Variants in SLC9A9 observed in about 807,000 individuals in gnomAD.
SLC9A9 encodes the protein solute carrier family 9 member A9, also known as sodium/hydrogen exchanger 9.
SLC9A9 carries 62 observed loss-of-function variants against 77.8 expected under a neutral mutation model. That is an observed-to-expected ratio of 0.80 (90% confidence interval 0.65 to 0.98). The LOEUF is 0.98. Among genes scored for constraint, SLC9A9 ranks in the 50% least tolerant of loss-of-function variants. SLC9A9 has a pLI of 0.00. For synonymous variants in SLC9A9, 320 were observed against 283.5 expected (o/e 1.13, Z -1.29); for missense variants, 775 against 774.9 (o/e 1.00, Z 0.00).
At chr3:143,396,503 T>C (rs1169135034) in intron 12 of SLC9A9, among the ~76,000 whole-genome samples, 1 of 152,098 alleles carries the variant, frequency 6.6e-6, no homozygotes, top group Non-Finnish European at 1.5e-5. Flanking sequence ...AATGATGAGT[T>C]AATGGGTGCA....
At chr3:143,373,318 G>A (rs1436515826) in intron 13 of SLC9A9, among the ~76,000 whole-genome samples, 2 of 152,116 alleles carry the variant, frequency 1.3e-5, no homozygotes, top group Non-Finnish European at 2.9e-5. Context: ...GATTGAGTGA[G>A]AGGCCATTAT....
At chr3:143,384,277 C>G (rs2033370357) in intron 12 of SLC9A9, among the ~76,000 whole-genome samples, 1 of 152,146 alleles carries the variant, frequency 6.6e-6, no homozygotes, top group African/African-American at 2.4e-5. Context: ...CAGCCCCCTT[C>G]TCTTATGGGG....
At chr3:143,376,251 G>A (rs149852651) in intron 13 of SLC9A9, among the ~76,000 whole-genome samples, 36 of 152,278 alleles carry the variant, frequency 2.4e-4, no homozygotes, top group Non-Finnish European at 1.5e-4. Context: ...TGGGAAATGA[G>A]GCTGGCCAGG....
chr3:143,409,005 AAG>A (rs2034039653), intron 12 of SLC9A9, among the ~76,000 whole-genome samples: 2 of 152,342 alleles, frequency 1.3e-5, no homozygotes, highest in South Asian at 4.1e-4. Flanking sequence ...AATTTCTTGC[AAG>A]AGAGGCTAGT....
chr3:143,707,933 C>T (rs1934029768), intron 4 of SLC9A9, among the ~76,000 whole-genome samples: 1 of 152,152 alleles, frequency 6.6e-6, no homozygotes, highest in Admixed American at 6.5e-5. Context: ...TCAAACTTGT[C>T]ACCTTCCTGG....
intron 14 of SLC9A9, among the ~76,000 whole-genome samples, chr3:143,280,185 T>C (rs1347284155): frequency 6.7e-6 from 1 of 149,836 alleles, no homozygotes; most frequent in African/African-American, 2.6e-5. Context: ...ACCTTCTAAC[T>C]TTCCCAAACT....
intron 9 of SLC9A9, among the ~76,000 whole-genome samples, chr3:143,524,194 T>G (rs1264477164): frequency 7.3e-6 from 1 of 136,256 alleles, no homozygotes; most frequent in African/African-American, 2.7e-5. Flanking sequence ...AAAAAAAAAC[T>G]AAGAGAGATC....
intron 9 of SLC9A9, among the ~76,000 whole-genome samples, chr3:143,516,576 A>T (rs922869384): frequency 2.6e-5 from 4 of 152,188 alleles, no homozygotes; most frequent in African/African-American, 9.6e-5. Flanking sequence ...TTTATTTTAT[A>T]AAATTAATTA....
intron 4 of SLC9A9, among the ~76,000 whole-genome samples, chr3:143,708,603 G>T (rs1181278188): frequency 6.6e-6 from 1 of 152,150 alleles, no homozygotes; most frequent in Non-Finnish European, 1.5e-5. Context: ...TCACTGACCA[G>T]TTTGTAAAGC....
chr3:143,651,531 T>C (rs914921255), intron 6 of SLC9A9, among the ~76,000 whole-genome samples: 1 of 152,234 alleles, frequency 6.6e-6, no homozygotes, highest in African/African-American at 2.4e-5. Flanking sequence ...TTATCAGATA[T>C]TGACTTTCCT....
intron 12 of SLC9A9, among the ~76,000 whole-genome samples, chr3:143,403,011 A>G (rs1035187361): frequency 5.3e-5 from 8 of 151,414 alleles, no homozygotes; most frequent in Non-Finnish European, 8.8e-5. Flanking sequence ...AATTCCAGTA[A>G]GATGTAGAAC....
intron 9 of SLC9A9, among the ~76,000 whole-genome samples, chr3:143,539,623 T>C (rs1181782091): frequency 6.6e-6 from 1 of 152,178 alleles, no homozygotes; most frequent in Non-Finnish European, 1.5e-5. Context: ...TCAAACAGGA[T>C]GATAAAACTG....
intron 12 of SLC9A9, among the ~76,000 whole-genome samples, chr3:143,436,776 C>T (rs1455623078): frequency 2.0e-5 from 3 of 152,202 alleles, no homozygotes; most frequent in African/African-American, 7.2e-5. Flanking sequence ...AAATGCTCAT[C>T]ACAGGGAAAT....
At chr3:143,641,138 A>G (rs1347611934) in intron 6 of SLC9A9, among the ~76,000 whole-genome samples, 1 of 152,164 alleles carries the variant, frequency 6.6e-6, no homozygotes. Context: ...GTGAAAGATG[A>G]AGGAGAGCTT....
rs1321235667 is a variant in SLC9A9, at chr3:143,398,991, GTA to G, written c.1470-16879_1470-16878del. ...TTAATAATAAATTCACAGATTTGTTGTATACACACACACACATACACACACAT... is the reference window on the plus strand; with the variant it reads ...TTAATAATAAATTCACAGATTTGTTGTACACACACACACATACACACACAT... On this transcript the variant is annotated intron_variant, in intron 12 of 15. Transcript: ENST00000316549. Among the ~76,000 whole-genome samples the G allele has an allele frequency of 8.5e-5, 10 of 118,266 alleles. No homozygotes were observed. The East Asian group carries it at 1.2e-3, about 14-fold the overall frequency. The allele number at this position is 118,266 out of a possible 152,430, so 77.6% of individuals were successfully genotyped here. A position where few individuals can be genotyped will look rare whatever the true frequency, so the allele number is the denominator to read the frequency against.
intron 4 of SLC9A9, among the ~76,000 whole-genome samples, chr3:143,788,289 C>G (rs1260614346): frequency 6.6e-6 from 1 of 152,154 alleles, no homozygotes; most frequent in Non-Finnish European, 1.5e-5. Context: ...GTCTTTCTGA[C>G]TTTGAGGTAG....
chr3:143,617,668 G>A (rs953526961), intron 6 of SLC9A9, among the ~76,000 whole-genome samples: 2 of 152,186 alleles, frequency 1.3e-5, no homozygotes, highest in African/African-American at 4.8e-5. Flanking sequence ...GAGCTAAAAA[G>A]CAGCAGTTGC....
At position 143,266,927 on chromosome 3, in the gene SLC9A9, T is replaced by C; in HGVS notation, c.1713A>G (p.Glu571=). 2 of 1,613,960 alleles carry C rather than the reference T, an allele frequency of 1.2e-6. No individual in the cohort carries two copies. Among genetic ancestry groups the C allele is most frequent in the Non-Finnish European group, 1.7e-6 (2 of 1,179,844 alleles). ...RLLTSPQAYG[E]QLKEDDVECI... is the part of the protein sequence containing the mutation. ...ATTCCACATCATCCTCTTTTAGCTG[T>C]TCCTGGTTGGGAAAAGAGAGAGAGG... is the stretch of plus-strand genomic sequence containing the variant. The change falls in exon 16 of 16, where the codon GAA becomes GAG. Residue 571 remains glutamate (E), a splice_region_variant and synonymous_variant. Coordinates refer to ENST00000316549, the MANE Select transcript of SLC9A9 (RefSeq NM_173653.4).
At chr3:143,848,071 C>CT (rs1256301104) in intron 1 of SLC9A9, 77 bp downstream of exon 1, 45 of 1,354,486 alleles carry the variant, frequency 3.3e-5, no homozygotes, top group Non-Finnish European at 3.8e-5. Flanking sequence ...AGTTTCGGTA[C>CT]TTTGCTATCT....
Sources: gnomAD v4.1 joint callset for allele counts (sites outside exome capture counted in the v4.1 genomes callset) on GRCh38, gnomAD v4.1.1 for gene constraint, MANE v1.5 for transcripts, NCBI Gene and HGNC (gene_info 2026-07-23, HGNC 2026-07-21) for gene names.